MOGAT3: variants seen among roughly 807,000 people sequenced by gnomAD.
MOGAT3 encodes monoacylglycerol O-acyltransferase 3.
In MOGAT3, 39 loss-of-function variants were observed where a neutral mutation model predicts 34.4. The ratio of observed to expected loss-of-function variants is 1.13; its 90% CI spans 0.88 to 1.48. MOGAT3 has a LOEUF of 1.48. Among genes scored for constraint, MOGAT3 ranks in the 40% most tolerant of loss-of-function variants. The pLI, the probability that MOGAT3 is intolerant of heterozygous loss-of-function variation, is 0.00. For missense variants in MOGAT3, 439 were observed against 438.9 expected (o/e 1.00, Z 0.00); for synonymous variants, 209 against 179.2 (o/e 1.17, Z -1.33).
At chr7:101,200,024 C>T (rs1797908453) in intron 3 of MOGAT3, among the ~76,000 whole-genome samples, 1 of 151,256 alleles carries the variant, frequency 6.6e-6, no homozygotes, top group African/African-American at 2.4e-5. Flanking sequence ...ACCTAGGAGG[C>T]GGAGGTTGCA....
At chr7:101,197,089 C>A (rs971838070) in intron 5 of MOGAT3, among the ~76,000 whole-genome samples, 1 of 149,632 alleles carries the variant, frequency 6.7e-6, no homozygotes, top group Non-Finnish European at 1.5e-5. Flanking sequence ...GAGGTTGCAG[C>A]GAGCCGAGAT....
chr7:101,197,106 A>T (rs143182641), intron 5 of MOGAT3, among the ~76,000 whole-genome samples: 1 of 152,178 alleles, frequency 6.6e-6, no homozygotes, highest in Non-Finnish European at 1.5e-5. Flanking sequence ...AGATCACACC[A>T]CTGCACTCCA....
At chr7:101,196,893 T>C (rs1797806397) in intron 5 of MOGAT3, among the ~76,000 whole-genome samples, 1 of 151,204 alleles carries the variant, frequency 6.6e-6, no homozygotes, top group Admixed American at 6.6e-5. Context: ...CTGGGTGCGG[T>C]GGCTCATGCC....
At chr7:101,193,563 G>A (rs1797721673), downstream of MOGAT3, among the ~76,000 whole-genome samples, 1 of 152,048 alleles carries the variant, frequency 6.6e-6, no homozygotes, top group South Asian at 2.1e-4. Flanking sequence ...GGAGTAGTTG[G>A]GATTACAGAC....
At position 101,198,369 on chromosome 7, in the gene MOGAT3, T is replaced by TG; in HGVS notation, c.494-5dup. 1 of 1,536,470 alleles carries TG rather than the reference T, an allele frequency of 6.5e-7. No homozygotes were observed. Among genetic ancestry groups the TG allele is most frequent in the Non-Finnish European group, 8.8e-7 (1 of 1,140,750 alleles). On this transcript the variant is annotated splice_polypyrimidine_tract_variant and splice_region_variant and intron_variant, in intron 4 of 6. Transcript: ENST00000223114. ...TGGCGGCTCACCGGACAGAGTCCTG[T>TG]GGGCAGGAGGAGGTGGAAAGTAGTT...
At chr7:101,196,127 G>A (rs371890143) in intron 6 of MOGAT3, 27 bp from the exon 7 acceptor site, 21 of 1,589,108 alleles carry the variant, frequency 1.3e-5, no homozygotes, top group East Asian at 2.3e-5. Context: ...ACAGGTGGGC[G>A]AGGGATCCCT....
chr7:101,196,069 G>C lies in MOGAT3; in HGVS notation c.903C>G (p.Leu301=), dbSNP rs767032684. 1 of 1,613,048 alleles carries C rather than the reference G, an allele frequency of 6.2e-7. No homozygotes were observed. Among genetic ancestry groups the C allele is most frequent in the Non-Finnish European group, 8.5e-7 (1 of 1,179,448 alleles). Residue 301 remains leucine, a synonymous_variant, in exon 7 of 7, where the codon CTC becomes CTG. Coordinates refer to ENST00000223114, the MANE Select transcript of MOGAT3 (RefSeq NM_178176.4). ...VGRPIPVPQR[L]HPTEEEVNHY... ...GATTGACTTCCTCCTCGGTGGGGTG[G>C]AGGCGCTGGGGGACGGGGATGGGGC... is the stretch of plus-strand genomic sequence containing the variant.
intron 4 of MOGAT3, 82 bp from the exon 5 acceptor site, chr7:101,198,447 C>T (rs1797859981): frequency 4.2e-6 from 6 of 1,425,562 alleles, no homozygotes; most frequent in Non-Finnish European, 3.7e-6. Context: ...AGTTCCAAGC[C>T]CCCTACCCCC....
chr7:101,200,642 C>T (rs367961202), intron 1 of MOGAT3, 104 bp downstream of exon 1: 6 of 1,263,166 alleles, frequency 4.7e-6, no homozygotes, highest in Admixed American at 2.0e-5. Context: ...AGACCAGTCA[C>T]CTGGTCACTG....
chr7:101,197,182 A>G (rs1423106153), intron 5 of MOGAT3, among the ~76,000 whole-genome samples: 1 of 151,950 alleles, frequency 6.6e-6, no homozygotes, highest in Non-Finnish European at 1.5e-5. Flanking sequence ...AAAAATAAAT[A>G]ATTTAAAAAA....
Position 101,198,721 on chromosome 7 carries a change from C to T in MOGAT3, c.398G>A (p.Gly133Asp), listed in dbSNP as rs751729148. ...FLCNFSTESNGFSQLFPGLRP... is the reference protein window; with the variant it reads ...FLCNFSTESNDFSQLFPGLRP... The stretch of plus-strand genomic sequence containing the variant: ...GAGCCCCGGGAAGAGCTGGGAGAAG[C>T]CATTGCTCTCGGTGGAGAAATTACA... The change falls in exon 4 of 7, where the codon GGC (glycine) becomes GAC (aspartate). Residue 133 changes from glycine to aspartate, a missense_variant. Physicochemically the swap from Gly to Asp is moderately conservative, Grantham distance 94. Coordinates refer to ENST00000223114, the MANE Select transcript of MOGAT3 (RefSeq NM_178176.4). The T allele has an allele frequency of 1.9e-6, 3 of 1,613,888 alleles. No homozygotes were observed. Among genetic ancestry groups the T allele is most frequent in the East Asian group, 2.2e-5 (1 of 44,862 alleles).
In MOGAT3 at chr7:101,195,674, T is replaced by C. The variant is rs553359368; in HGVS notation, c.*272A>G. The C allele has an allele frequency of 1.1e-4, 48 of 451,318 alleles. No homozygotes were observed. The highest frequency in any genetic ancestry group is 8.9e-4 in the African/African-American group (44 of 49,542). The allele number at this position is 451,318 out of a possible 1,614,324, so 28.0% of individuals were successfully genotyped here. ...CTCCTGCCTCAGCCTCCCAAATAGC[T>C]GGGATTACAGGCACATGCCACCATG... On this transcript the variant is annotated 3_prime_UTR_variant, in exon 7 of 7. Coordinates refer to ENST00000223114, the MANE Select transcript of MOGAT3 (RefSeq NM_178176.4).
In MOGAT3 at chr7:101,198,167, G is replaced by C. The variant is rs751404086; in HGVS notation, c.668+24C>G. The C allele has an allele frequency of 2.5e-6, 4 of 1,594,166 alleles. No homozygotes were observed. The Admixed American group carries it at 5.2e-5, about 21-fold the overall frequency. On this transcript the variant is annotated intron_variant, in intron 5 of 6. Coordinates refer to ENST00000223114, the MANE Select transcript of MOGAT3 (RefSeq NM_178176.4). ...GGCATAAACCAGCAGAGAACTGACA[G>C]GTAGGGCCTGCACGCGCACTCACCC...
At position 101,196,172 on chromosome 7, in the gene MOGAT3, G is replaced by A; in HGVS notation, c.871+15C>T. On this transcript the variant is annotated intron_variant, in intron 6 of 6. Transcript: ENST00000223114. The stretch of plus-strand genomic sequence containing the variant: ...GCAGCTGCTGGTGGCCGTCCCCCCG[G>A]AGGTGGGCACTCACCCACAGTGGTG... 6.4e-7 allele frequency: 1 copy of A among 1,570,804 alleles called. No individual in the cohort carries two copies. Among genetic ancestry groups the A allele is most frequent in the Non-Finnish European group, 8.6e-7 (1 of 1,157,668 alleles).
intron 3 of MOGAT3, among the ~76,000 whole-genome samples, chr7:101,199,249 G>A (rs1204098929): frequency 6.6e-6 from 1 of 152,058 alleles, no homozygotes. Flanking sequence ...CTCGTGATCT[G>A]CCTGCCTTGG....
At chr7:101,196,714 T>C (rs1251335162) in intron 5 of MOGAT3, among the ~76,000 whole-genome samples, 1 of 151,250 alleles carries the variant, frequency 6.6e-6, no homozygotes, top group Non-Finnish European at 1.5e-5. Flanking sequence ...TGCAAAAACA[T>C]AAAAATTAGC....
rs1488338834 is a variant in MOGAT3, at chr7:101,195,326, T to A, written c.*620A>T. 6.6e-6 allele frequency: 1 copy of A among 152,598 alleles called. No individual in the cohort carries two copies. Among genetic ancestry groups the A allele is most frequent in the East Asian group, 1.9e-4 (1 of 5,168 alleles). The allele number at this position is 152,598 out of a possible 1,614,324, so 9.5% of individuals were successfully genotyped here. A position where few individuals can be genotyped will look rare whatever the true frequency, so the allele number is the denominator to read the frequency against. ...GCCTCCTGGGTTCAAGCGATTCTCC[T>A]GCCTCAGCCTCCGGAGTAGCTGGGA... On this transcript the variant is annotated 3_prime_UTR_variant, in exon 7 of 7. Transcript: ENST00000223114.
downstream of MOGAT3, among the ~76,000 whole-genome samples, chr7:101,192,922 C>CA (rs1224601738): frequency 1.3e-5 from 2 of 151,492 alleles, no homozygotes; most frequent in Non-Finnish European, 2.9e-5. Context: ...AAAAAAAATA[C>CA]AAAAAATTAG....
At position 101,198,637 on chromosome 7, in the gene MOGAT3, A is replaced by G. The variant is rs1455231657; in HGVS notation, c.482T>C (p.Ile161Thr). 6.2e-7 allele frequency: 1 copy of G among 1,612,808 alleles called. No homozygotes were observed. The highest frequency in any genetic ancestry group is 1.1e-5 in the South Asian group (1 of 91,034). The change falls in exon 4 of 7, where the codon ATC becomes ACC. Residue 161 changes from isoleucine (I) to threonine (T), a missense_variant. Transcript: ENST00000223114. ...LFYLPVYRDY[I>T]MSFGLCPVSR... ...CCCATTCGGCTCACCAAAGGACATG[A>G]TGTAGTCGCGATAGACCGGGAGGTA...
Sources: gnomAD v4.1 joint callset for allele counts (sites outside exome capture counted in the v4.1 genomes callset) on GRCh38, gnomAD v4.1.1 for gene constraint, MANE v1.5 for transcripts, NCBI Gene and HGNC (gene_info 2026-07-23, HGNC 2026-07-21) for gene names.